Variants in FHL5 observed in about 807,000 individuals in gnomAD.
FHL5 encodes the protein four and a half LIM domains 5, also known as four and a half LIM domains protein 5.
In FHL5, 33 loss-of-function variants were observed where a neutral mutation model predicts 32.0. The observed-to-expected ratio is 1.03, with a 90% CI of 0.78 to 1.38. The LOEUF (loss-of-function observed/expected upper bound fraction) is 1.38, where lower values mean the gene tolerates loss of function less well. FHL5 is among the 40% of genes most tolerant of loss of function. The pLI is 0.00. For missense variants in FHL5, 336 were observed against 343.9 expected (o/e 0.98, Z 0.18); for synonymous variants, 114 against 113.6 (o/e 1.00, Z -0.02).
chr6:96,616,327 C>T lies in FHL5; in HGVS notation c.*555C>T, dbSNP rs1771520842. ...CTGACTGTAGAATTAAAAAACAAAG[C>T]TACAATTTGCCCTCATACACACTGC... is the stretch of plus-strand genomic sequence containing the variant. On this transcript the variant is annotated 3_prime_UTR_variant, in exon 6 of 6. Coordinates refer to ENST00000450218, the MANE Select transcript of FHL5 (RefSeq NM_001322466.2). The T allele has an allele frequency of 6.6e-6, 1 of 152,132 alleles. No individual in the cohort carries two copies. Among genetic ancestry groups the T allele is most frequent in the South Asian group, 2.1e-4 (1 of 4,824 alleles). 9.4% of individuals were successfully genotyped at this position (152,132 alleles called of 1,614,324 possible). A position where few individuals can be genotyped will look rare whatever the true frequency, so the allele number is the denominator to read the frequency against.
intron 1 of FHL5, among the ~76,000 whole-genome samples, chr6:96,583,248 A>G (rs991362826): frequency 6.6e-6 from 1 of 152,188 alleles, no homozygotes; most frequent in African/African-American, 2.4e-5. Flanking sequence ...CTAAAAGTAG[A>G]GCCTATTTAC....
At chr6:96,610,094 A>G (rs1244872116) in intron 4 of FHL5, among the ~76,000 whole-genome samples, 1 of 152,232 alleles carries the variant, frequency 6.6e-6, no homozygotes, top group Non-Finnish European at 1.5e-5. Context: ...TCTTTTAAGC[A>G]TCCCTAAAGT....
intron 5 of FHL5, among the ~76,000 whole-genome samples, chr6:96,614,009 A>C (rs977596479): frequency 6.6e-6 from 1 of 152,246 alleles, no homozygotes; most frequent in African/African-American, 2.4e-5. Context: ...TGCTTCATGA[A>C]TGGCTTTCTT....
chr6:96,592,719 A>T (rs1194819285), intron 1 of FHL5, among the ~76,000 whole-genome samples: 1 of 152,212 alleles, frequency 6.6e-6, no homozygotes, highest in Non-Finnish European at 1.5e-5. Flanking sequence ...GATCTAATAA[A>T]TGTCCATGAA....
At chr6:96,598,424 A>G (rs1230006039) in intron 1 of FHL5, among the ~76,000 whole-genome samples, 1 of 152,208 alleles carries the variant, frequency 6.6e-6, no homozygotes, top group African/African-American at 2.4e-5. Flanking sequence ...TTGAAGAAGG[A>G]TAAAACCAAG....
intron 1 of FHL5, among the ~76,000 whole-genome samples, chr6:96,587,929 A>G (rs1770832050): frequency 6.6e-6 from 1 of 152,194 alleles, no homozygotes; most frequent in Admixed American, 6.5e-5. Context: ...TGGCCATATG[A>G]CAATATGTTG....
intron 1 of FHL5, among the ~76,000 whole-genome samples, chr6:96,596,397 C>G (rs1220681897): frequency 6.6e-6 from 1 of 152,128 alleles, no homozygotes; most frequent in Non-Finnish European, 1.5e-5. Flanking sequence ...CATTTTAACT[C>G]TGAAATCTGA....
chr6:96,570,716 T>G (rs776807353), intron 1 of FHL5, among the ~76,000 whole-genome samples: 20 of 152,170 alleles, frequency 1.3e-4, no homozygotes, highest in Non-Finnish European at 2.8e-4. Flanking sequence ...TCTGACTGGG[T>G]AACTTCAAAA....
chr6:96,569,481 T>C (rs1255020994), intron 1 of FHL5, among the ~76,000 whole-genome samples: 2 of 152,104 alleles, frequency 1.3e-5, no homozygotes, highest in Admixed American at 1.3e-4. Flanking sequence ...TAAATGTTTC[T>C]TTGTTAATTT....
chr6:96,601,960 T>C (rs1404421200), intron 1 of FHL5, among the ~76,000 whole-genome samples: 1 of 152,212 alleles, frequency 6.6e-6, no homozygotes, highest in African/African-American at 2.4e-5. Flanking sequence ...ATTTTGGCCA[T>C]GTTCCATTGC....
chr6:96,593,139 A>G (rs1304915841), intron 1 of FHL5, among the ~76,000 whole-genome samples: 1 of 151,982 alleles, frequency 6.6e-6, no homozygotes, highest in African/African-American at 2.4e-5. Context: ...TATGTCCCTA[A>G]TTTAAATCAT....
intron 1 of FHL5, among the ~76,000 whole-genome samples, chr6:96,575,338 T>C (rs1008403167): frequency 1.3e-5 from 2 of 152,200 alleles, no homozygotes; most frequent in Non-Finnish European, 2.9e-5. Flanking sequence ...AATAGATACA[T>C]AAATCACGTA....
chr6:96,569,279 A>G (rs1410042890), intron 1 of FHL5, among the ~76,000 whole-genome samples: 1 of 151,938 alleles, frequency 6.6e-6, no homozygotes, highest in East Asian at 1.9e-4. Context: ...TTTGATTTCT[A>G]GTTTTATTAT....
intron 1 of FHL5, among the ~76,000 whole-genome samples, chr6:96,598,486 T>C (rs1166231259): frequency 6.6e-6 from 1 of 152,240 alleles, no homozygotes; most frequent in Non-Finnish European, 1.5e-5. Flanking sequence ...GAGATGCCAC[T>C]GCTTCAAGTT....
intron 1 of FHL5, among the ~76,000 whole-genome samples, chr6:96,577,724 ATTAAAAC>A (rs1327066897): frequency 6.6e-6 from 1 of 152,226 alleles, no homozygotes; most frequent in African/African-American, 2.4e-5. Context: ...TTGGTCAACA[ATTAAAAC>A]TTAGAAGGAT....
intron 3 of FHL5, among the ~76,000 whole-genome samples, chr6:96,605,190 G>A (rs1436566409): frequency 6.6e-6 from 1 of 152,026 alleles, no homozygotes; most frequent in Non-Finnish European, 1.5e-5. Context: ...ATAAAATAAA[G>A]ACAAAATGTA....
intron 1 of FHL5, among the ~76,000 whole-genome samples, chr6:96,591,865 G>A (rs11153071): frequency 0.16 from 23,602 of 151,952 alleles, 2,007 homozygotes; most frequent in Middle Eastern, 0.26. Context: ...ATCACATGTC[G>A]ATAGGTTCCG....
intron 2 of FHL5, among the ~76,000 whole-genome samples, chr6:96,604,141 G>C (rs941738504): frequency 9.2e-5 from 14 of 152,098 alleles, no homozygotes; most frequent in African/African-American, 2.4e-5. Flanking sequence ...AATTGAAGTT[G>C]AAAGGATTCA....
At chr6:96,564,985 G>A (rs982901326) in intron 1 of FHL5, among the ~76,000 whole-genome samples, 2 of 152,092 alleles carry the variant, frequency 1.3e-5, no homozygotes, top group South Asian at 2.1e-4. Flanking sequence ...GGCCAGGCAC[G>A]GTGGCTCACT....
Sources: gnomAD v4.1 joint callset for allele counts (sites outside exome capture counted in the v4.1 genomes callset) on GRCh38, gnomAD v4.1.1 for gene constraint, MANE v1.5 for transcripts, NCBI Gene and HGNC (gene_info 2026-07-23, HGNC 2026-07-21) for gene names.